The following CR1L variants were observed in gnomAD, a reference collection of about 807,000 sequenced individuals.
The protein encoded by CR1L is complement C3b/C4b receptor 1 like, also known as complement component receptor 1-like protein.
In CR1L, 59 loss-of-function variants were observed where a neutral mutation model predicts 62.3. The ratio of observed to expected loss-of-function variants is 0.95; its 90% CI spans 0.77 to 1.18. The LOEUF is 1.18. CR1L is among the 50% of genes most tolerant of loss of function. CR1L has a pLI of 0.00. For missense variants in CR1L, 700 were observed against 702.8 expected (o/e 1.00, Z 0.04); for synonymous variants, 279 against 248.7 (o/e 1.12, Z -1.15).
intron 1 of CR1L, chr1:207,669,444 G>C (rs1217317929): frequency 7.3e-7 from 1 of 1,361,928 alleles, no homozygotes; most frequent in South Asian, 1.2e-5. Flanking sequence ...GCTTCGGGAG[G>C]ATGGGGGTCT....
chr1:207,649,510 C>G (rs117612834), intron 1 of CR1L, among the ~76,000 whole-genome samples: 2 of 152,086 alleles, frequency 1.3e-5, no homozygotes, highest in African/African-American at 2.4e-5. Flanking sequence ...TTTAATTTCC[C>G]GAGACACAGT....
In CR1L at chr1:207,694,414, G is replaced by A. The variant is rs1306988446; in HGVS notation, c.525G>A (p.Glu175=). The A allele has an allele frequency of 1.2e-6, 2 of 1,613,880 alleles. No homozygotes were observed. The highest frequency in any genetic ancestry group is 2.2e-5 in the East Asian group (1 of 44,900). ...GAGATTTCACTAGCATCAGCAGAGA[G>A]TATTTTCACTATGGATCAGTGGTGA... ...ANGDFTSISR[E]YFHYGSVVTY... The change falls in exon 5 of 12, where the codon GAG becomes GAA. Residue 175 remains glutamate, a synonymous_variant. Transcript: ENST00000508064.
chr1:207,716,965 C>A (rs1255402845), intron 10 of CR1L, among the ~76,000 whole-genome samples: 1 of 152,138 alleles, frequency 6.6e-6, no homozygotes, highest in Non-Finnish European at 1.5e-5. Context: ...TCTGATGACA[C>A]CACTGGAAAT....
chr1:207,686,324 C>T (rs1432225034), intron 4 of CR1L, among the ~76,000 whole-genome samples: 4 of 151,570 alleles, frequency 2.6e-5, no homozygotes, highest in Middle Eastern at 6.3e-3. Context: ...AGGATTAAAA[C>T]ATTTCACCAT....
intron 1 of CR1L, among the ~76,000 whole-genome samples, chr1:207,661,964 A>C (rs568820841): frequency 6.6e-6 from 1 of 152,296 alleles, no homozygotes; most frequent in East Asian, 1.9e-4. Context: ...AAGAATGTTG[A>C]ATATTGGCCC....
At chr1:207,665,312 C>T (rs1463615083) in intron 1 of CR1L, among the ~76,000 whole-genome samples, 2 of 152,094 alleles carry the variant, frequency 1.3e-5, no homozygotes, top group African/African-American at 4.8e-5. Flanking sequence ...CCTTGGTATC[C>T]CAAAGTGCTG....
At chr1:207,651,804 C>T (rs1429464857) in intron 1 of CR1L, among the ~76,000 whole-genome samples, 1 of 152,112 alleles carries the variant, frequency 6.6e-6, no homozygotes, top group African/African-American at 2.4e-5. Context: ...ATCAGTGAGG[C>T]AAGATCAAAT....
intron 1 of CR1L, among the ~76,000 whole-genome samples, chr1:207,651,497 T>A (rs1051226899): frequency 6.6e-6 from 1 of 152,134 alleles, no homozygotes; most frequent in Non-Finnish European, 1.5e-5. Context: ...AAATGCTCCT[T>A]GGAGATCAAA....
chr1:207,682,813 G>A (rs1663821208), intron 3 of CR1L, among the ~76,000 whole-genome samples: 1 of 152,076 alleles, frequency 6.6e-6, no homozygotes, highest in Non-Finnish European at 1.5e-5. Flanking sequence ...TAAAATAAAT[G>A]TTATAAATTC....
intron 3 of CR1L, among the ~76,000 whole-genome samples, chr1:207,679,103 T>A (rs1010671966): frequency 1.3e-5 from 2 of 150,620 alleles, no homozygotes; most frequent in African/African-American, 4.9e-5. Context: ...TTCCTGCCAT[T>A]CTCCTGCCTC....
chr1:207,694,225 T>C, intron 4 of CR1L, 128 bp from the exon 5 acceptor site: 2 of 1,185,834 alleles, frequency 1.7e-6, no homozygotes, highest in Admixed American at 2.6e-5. Flanking sequence ...ATTACAACTT[T>C]GTAAAAATGT....
At chr1:207,674,847 G>A (rs183980242) in intron 1 of CR1L, among the ~76,000 whole-genome samples, 8 of 150,780 alleles carry the variant, frequency 5.3e-5, no homozygotes, top group East Asian at 1.9e-4. Context: ...TGAAAGTCAC[G>A]GAACTGTTTT....
chr1:207,663,026 C>A (rs1276385436), intron 1 of CR1L, among the ~76,000 whole-genome samples: 1 of 152,174 alleles, frequency 6.6e-6, no homozygotes, highest in African/African-American at 2.4e-5. Flanking sequence ...CAGAGGAGTA[C>A]CCGCTGTGTG....
intron 1 of CR1L, among the ~76,000 whole-genome samples, chr1:207,674,969 A>G (rs1161424177): frequency 6.6e-6 from 1 of 152,104 alleles, no homozygotes; most frequent in Non-Finnish European, 1.5e-5. Context: ...GACCCACTAA[A>G]TCAGAGATTC....
intron 4 of CR1L, among the ~76,000 whole-genome samples, chr1:207,684,969 C>A (rs545732986): frequency 1.3e-5 from 2 of 152,214 alleles, no homozygotes; most frequent in South Asian, 4.1e-4. Context: ...ATTGGTCACA[C>A]ATTTATTGCT....
chr1:207,713,991 G>A (rs1653908433), intron 10 of CR1L, among the ~76,000 whole-genome samples: 1 of 152,218 alleles, frequency 6.6e-6, no homozygotes, highest in South Asian at 2.1e-4. Flanking sequence ...TCCCCTAGGA[G>A]ACGGCAAAGA....
At chr1:207,691,282 T>A (rs1663993609) in intron 4 of CR1L, among the ~76,000 whole-genome samples, 1 of 152,172 alleles carries the variant, frequency 6.6e-6, no homozygotes, top group Non-Finnish European at 1.5e-5. Flanking sequence ...CCTTAAAATC[T>A]ACTTTGTACA....
Position 207,645,144 on chromosome 1 carries a change from T to G in CR1L, c.-90T>G. Reference sequence around the variant, plus strand: ...TGAGTTTGGGGATTGTTGTGTCCACTAACCGGACTCAGAAGGGACTTCCCT... The same window carrying G: ...TGAGTTTGGGGATTGTTGTGTCCACGAACCGGACTCAGAAGGGACTTCCCT... On this transcript the variant is annotated 5_prime_UTR_variant, in exon 1 of 12. Transcript: ENST00000508064. The G allele has an allele frequency of 7.7e-7, 1 of 1,295,874 alleles. No homozygotes were observed. Among genetic ancestry groups the G allele is most frequent in the Non-Finnish European group, 1.1e-6 (1 of 908,710 alleles). 80.3% of individuals were successfully genotyped at this position (1,295,874 alleles called of 1,614,324 possible). A position where few individuals can be genotyped will look rare whatever the true frequency, so the allele number is the denominator to read the frequency against.
At chr1:207,648,806 C>T (rs1362886073) in intron 1 of CR1L, among the ~76,000 whole-genome samples, 5 of 152,194 alleles carry the variant, frequency 3.3e-5, no homozygotes, top group Non-Finnish European at 7.3e-5. Flanking sequence ...TATCTGGTCA[C>T]CTGCCAGGAT....
Sources: allele counts gnomAD v4.1 joint callset (sites outside exome capture counted in the v4.1 genomes callset), GRCh38; gene constraint gnomAD v4.1.1; transcripts MANE v1.5; gene names NCBI Gene and HGNC (gene_info 2026-07-23, HGNC 2026-07-21).